The following GPHN variants were observed in gnomAD, a reference collection of about 807,000 sequenced individuals.
GPHN encodes gephyrin.
A neutral mutation model predicts 95.5 loss-of-function variants in GPHN; 17 were observed. The observed-to-expected ratio is 0.18, with a 90% CI of 0.12 to 0.27. The LOEUF (loss-of-function observed/expected upper bound fraction) is 0.27, where lower values mean the gene tolerates loss of function less well. Among genes scored for constraint, GPHN ranks in the 10% least tolerant of loss-of-function variants. GPHN has a pLI of 1.00. For missense variants in GPHN, 660 were observed against 978.1 expected, an observed-to-expected ratio of 0.67 and a Z score of 4.34; for synonymous variants, 320 against 322.5, an observed-to-expected ratio of 0.99 and a Z score of 0.08.
chr14:67,238,715 C>A, the GPHN span, among the ~76,000 whole-genome samples: 6 of 152,024 alleles, frequency 3.9e-5, no homozygotes, highest in African/African-American at 1.5e-4. Flanking sequence ...GTGATCTCAG[C>A]TTACTGCAGC....
the GPHN span, among the ~76,000 whole-genome samples, chr14:67,464,817 G>A: frequency 2.0e-5 from 3 of 152,200 alleles, no homozygotes; most frequent in African/African-American, 7.2e-5. Flanking sequence ...CTTCACACAT[G>A]CTGTGCTTTC....
chr14:66,655,717 A>T (rs1412735484), intron 1 of GPHN, among the ~76,000 whole-genome samples: 1 of 151,758 alleles, frequency 6.6e-6, no homozygotes, highest in Non-Finnish European at 1.5e-5. Flanking sequence ...TATCATTAAG[A>T]ATGATGTTAG....
At chr14:66,677,611 TTC>T in intron 1 of GPHN, among the ~76,000 whole-genome samples, 1 of 152,278 alleles carries the variant, frequency 6.6e-6, no homozygotes, top group East Asian at 1.9e-4. Context: ...TGTTACTAAT[TTC>T]TAGTTTTACT....
chr14:67,600,326 C>T, the GPHN span: 4 of 818,098 alleles, frequency 4.9e-6, no homozygotes, highest in Non-Finnish European at 7.2e-6. Flanking sequence ...TAAGCCTGCG[C>T]AGCCTCAGTT....
the GPHN span, among the ~76,000 whole-genome samples, chr14:67,630,214 A>G: frequency 6.6e-6 from 1 of 152,234 alleles, no homozygotes; most frequent in Non-Finnish European, 1.5e-5. Context: ...TGCTGTTGAA[A>G]TGGGTATCAT....
At chr14:67,474,915 T>TTC in the GPHN span, among the ~76,000 whole-genome samples, 1 of 33,664 alleles carries the variant, frequency 3.0e-5, no homozygotes, top group African/African-American at 3.7e-4. Context: ...AATTTCCTTC[T>TTC]TTTTTTTTTT....
intron 17 of GPHN, 89 bp downstream of exon 17, chr14:67,122,466 CAG>C (rs2079067043): frequency 8.9e-7 from 1 of 1,129,778 alleles, no homozygotes; most frequent in African/African-American, 1.5e-5. Flanking sequence ...GCTAAAGAGA[CAG>C]AAATTTAATG....
the GPHN span, among the ~76,000 whole-genome samples, chr14:67,277,890 A>G: frequency 6.6e-6 from 1 of 152,182 alleles, no homozygotes; most frequent in African/African-American, 2.4e-5. Context: ...TCATAAAACT[A>G]GAGGATTAAA....
the GPHN span, chr14:67,692,196 T>A: frequency 2.2e-6 from 1 of 452,846 alleles, no homozygotes; most frequent in African/African-American, 2.1e-5. Flanking sequence ...GAGACTCCCA[T>A]GAGATTTCTG....
chr14:66,949,846 A>G (rs2067984300), intron 8 of GPHN, among the ~76,000 whole-genome samples: 1 of 152,156 alleles, frequency 6.6e-6, no homozygotes, highest in Admixed American at 6.5e-5. Context: ...TGTTTACTTT[A>G]TTGGCATTCA....
At chr14:67,427,457 G>A in the GPHN span, among the ~76,000 whole-genome samples, 7 of 152,166 alleles carry the variant, frequency 4.6e-5, no homozygotes, top group African/African-American at 1.7e-4. Context: ...CGAAGTTGAA[G>A]CAGGCCACCT....
intron 2 of GPHN, among the ~76,000 whole-genome samples, chr14:66,740,769 A>G (rs906646267): frequency 1.3e-5 from 2 of 152,204 alleles, no homozygotes; most frequent in African/African-American, 4.8e-5. Flanking sequence ...AAGGCCTTGA[A>G]TATTTGCAAC....
At chr14:66,746,921 A>G (rs549963022) in intron 2 of GPHN, among the ~76,000 whole-genome samples, 40 of 152,156 alleles carry the variant, frequency 2.6e-4, no homozygotes. Flanking sequence ...TTTAGCTGCC[A>G]TGGGACTGTT....
At chr14:67,359,509 A>C in the GPHN span, 1 of 835,176 alleles carries the variant, frequency 1.2e-6, no homozygotes, top group Non-Finnish European at 1.8e-6. Context: ...GGCCGTCAGG[A>C]AGCCTCGCCC....
chr14:67,685,098 G>A, the GPHN span: 12 of 1,614,112 alleles, frequency 7.4e-6, no homozygotes, highest in Admixed American at 1.3e-4. Context: ...GAGGAGTCTT[G>A]ATGAAAAAGG....
the GPHN span, among the ~76,000 whole-genome samples, chr14:67,671,615 C>T: frequency 6.6e-6 from 1 of 152,128 alleles, no homozygotes; most frequent in African/African-American, 2.4e-5. Flanking sequence ...GCTGGGTAGA[C>T]AACAAAGGTG....
chr14:66,852,636 G>C (rs772469652), intron 4 of GPHN, among the ~76,000 whole-genome samples: 1 of 152,154 alleles, frequency 6.6e-6, no homozygotes, highest in Non-Finnish European at 1.5e-5. Context: ...CATAGTCACC[G>C]GGTGATAGCT....
the GPHN span, chr14:67,579,558 C>T: frequency 0.26 from 181,072 of 701,054 alleles, 24,586 homozygotes; most frequent in Non-Finnish European, 0.3. Flanking sequence ...GCTCACATCC[C>T]TCATGCACTG....
chr14:66,563,553 T>G (rs896902934), intron 1 of GPHN, among the ~76,000 whole-genome samples: 3 of 152,192 alleles, frequency 2.0e-5, no homozygotes, highest in African/African-American at 7.2e-5. Flanking sequence ...CAATCCTTTC[T>G]CTAAAGGAAA....
Sources: allele counts gnomAD v4.1 joint callset (sites outside exome capture counted in the v4.1 genomes callset), GRCh38; gene constraint gnomAD v4.1.1; transcripts MANE v1.5; gene names NCBI Gene and HGNC (gene_info 2026-07-23, HGNC 2026-07-21).